The following KDM4C variants were observed in gnomAD, a reference collection of about 807,000 sequenced individuals.
The protein encoded by KDM4C is lysine-specific demethylase 4C.
KDM4C carries 81 observed loss-of-function variants against 129.3 expected under a neutral mutation model. That is an observed-to-expected ratio of 0.63 (90% CI 0.52 to 0.75). The LOEUF (loss-of-function observed/expected upper bound fraction) is 0.75. KDM4C is among the 30% of genes least tolerant of loss of function. KDM4C has a pLI of 0.00. For missense variants in KDM4C, 1,457 were observed against 1,304.0 expected (o/e 1.12, Z -1.81); for synonymous variants, 573 against 456.1 (o/e 1.26, Z -3.26).
intron 1 of KDM4C, among the ~76,000 whole-genome samples, chr9:6,741,323 A>C (rs1377545360): frequency 6.6e-6 from 1 of 152,040 alleles, no homozygotes; most frequent in East Asian, 1.9e-4. Context: ...TGAACTAGGG[A>C]GGCGGAGGTT....
In KDM4C at chr9:7,016,135, T is replaced by TTC. The variant is rs200672721; in HGVS notation, c.2259+207_2259+208insCT. 6.2e-3 allele frequency among the ~76,000 whole-genome samples: 940 copies of TTC among 151,614 alleles called. 9 individuals carry two copies. The highest frequency in any genetic ancestry group is 0.022 in the African/African-American group (907 of 41,398). ...AAATATTAGGTAAATTTATTTTCTT[T>TTC]TTTTTTTTTTGAGACGGAGTCTCTC... On this transcript the variant is annotated intron_variant, in intron 15 of 21. Coordinates refer to ENST00000381309, the MANE Select transcript of KDM4C (RefSeq NM_015061.6).
intron 4 of KDM4C, chr9:6,834,596 G>A: frequency 1.3e-6 from 1 of 742,726 alleles, no homozygotes; most frequent in East Asian, 2.5e-5. Flanking sequence ...GGTGGGCATG[G>A]GTCGGAAGGA....
chr9:6,749,626 C>T (rs1818004095), intron 1 of KDM4C, among the ~76,000 whole-genome samples: 1 of 151,774 alleles, frequency 6.6e-6, no homozygotes, highest in South Asian at 2.1e-4. Context: ...TATGATTGCA[C>T]CACTGCATTT....
intron 1 of KDM4C, among the ~76,000 whole-genome samples, chr9:6,735,468 G>A (rs55880960): frequency 6.6e-6 from 1 of 152,118 alleles, no homozygotes; most frequent in Non-Finnish European, 1.5e-5. Flanking sequence ...ACATATCATG[G>A]GAGGAACCTG....
chr9:6,918,743 G>A (rs1481122589), intron 8 of KDM4C, among the ~76,000 whole-genome samples: 1 of 152,012 alleles, frequency 6.6e-6, no homozygotes. Flanking sequence ...AGCTCATTGT[G>A]GTTTTGATTT....
chr9:6,813,829 C>T (rs1210277149), intron 3 of KDM4C, among the ~76,000 whole-genome samples: 1 of 152,118 alleles, frequency 6.6e-6, no homozygotes, highest in Non-Finnish European at 1.5e-5. Flanking sequence ...ATATAGTATA[C>T]ACACTATTAT....
At chr9:6,726,301 G>T (rs914168878) in intron 1 of KDM4C, among the ~76,000 whole-genome samples, 1 of 152,188 alleles carries the variant, frequency 6.6e-6, no homozygotes, top group Non-Finnish European at 1.5e-5. Flanking sequence ...CTATTTGTCT[G>T]AAGTGTAAAT....
rs776243793 is a variant in KDM4C at position 7,011,720 on chromosome 9, T to C, written c.1809T>C (p.Ile603=). The C allele has an allele frequency of 1.9e-6, 3 of 1,614,104 alleles. No individual in the cohort carries two copies. Among genetic ancestry groups the C allele is most frequent in the Non-Finnish European group, 1.7e-6 (2 of 1,179,988 alleles). ...SDEELPEVLS[I]EEEVEETESW... ...AAGAATTGCCTGAGGTTCTGTCCAT[T>C]GAGGAGGAAGTGGAAGAAACAGAGT... The change falls in exon 13 of 22, where the codon ATT becomes ATC. Residue 603 remains isoleucine (I), a synonymous_variant. Transcript: ENST00000381309.
At chr9:6,936,326 T>A (rs553994657) in intron 8 of KDM4C, among the ~76,000 whole-genome samples, 1 of 152,338 alleles carries the variant, frequency 6.6e-6, no homozygotes, top group South Asian at 2.1e-4. Flanking sequence ...TTATATATGC[T>A]AAAATCATGG....
chr9:7,158,831 G>T (rs1206506955), intron 19 of KDM4C, among the ~76,000 whole-genome samples: 1 of 152,198 alleles, frequency 6.6e-6, no homozygotes, highest in Non-Finnish European at 1.5e-5. Flanking sequence ...ATTTGGGGTG[G>T]AGAGTCCTGT....
At chr9:6,810,148 C>G (rs550405908) in intron 3 of KDM4C, among the ~76,000 whole-genome samples, 1 of 152,174 alleles carries the variant, frequency 6.6e-6, no homozygotes, top group African/African-American at 2.4e-5. Context: ...TCCTCTCTAG[C>G]CCATTTGATT....
intron 4 of KDM4C, among the ~76,000 whole-genome samples, chr9:6,839,510 GATTA>G (rs1836517314): frequency 2.0e-5 from 3 of 151,540 alleles, no homozygotes; most frequent in Non-Finnish European, 4.4e-5. Flanking sequence ...AAAATGCTGG[GATTA>G]CAGGTGTGAG....
intron 14 of KDM4C, among the ~76,000 whole-genome samples, chr9:7,014,915 A>AACACACACACACACACAC (rs55864882): frequency 8.9e-5 from 13 of 146,278 alleles, no homozygotes; most frequent in Admixed American, 3.4e-4. Flanking sequence ...GGCAATTTGT[A>AACACACACACACACACAC]ACACACACAC....
intron 17 of KDM4C, among the ~76,000 whole-genome samples, chr9:7,083,721 G>GTGTGTGTT (rs1834806839): frequency 6.7e-6 from 1 of 149,010 alleles, no homozygotes; most frequent in Non-Finnish European, 1.5e-5. Flanking sequence ...ATGTGTGTGT[G>GTGTGTGTT]TGTGTGTGTG....
chr9:6,725,528 C>A (rs1252355796), intron 1 of KDM4C, among the ~76,000 whole-genome samples: 1 of 151,992 alleles, frequency 6.6e-6, no homozygotes, highest in Non-Finnish European at 1.5e-5. Flanking sequence ...GCTCTTGTTG[C>A]CCAGGCTGGA....
At position 7,175,059 on chromosome 9, in the gene KDM4C, G is replaced by A. The variant is rs546260828; in HGVS notation, c.*330G>A. The A allele has an allele frequency of 1.3e-4, 25 of 197,206 alleles. No individual in the cohort carries two copies. The highest frequency in any genetic ancestry group is 5.0e-4 in the African/African-American group (22 of 43,916). The allele number at this position is 197,206 out of a possible 1,614,324, so 12.2% of individuals were successfully genotyped here. A position where few individuals can be genotyped will look rare whatever the true frequency, so the allele number is the denominator to read the frequency against. On this transcript the variant is annotated 3_prime_UTR_variant, in exon 22 of 22. Transcript: ENST00000381309. ...CCACAGAGGAGGCGGGTCCCCTTGT[G>A]CGGCTTAGGGCCCTGTCAGGAAACA...
At chr9:7,099,380 G>C (rs1836819296) in intron 17 of KDM4C, among the ~76,000 whole-genome samples, 1 of 152,188 alleles carries the variant, frequency 6.6e-6, no homozygotes, top group African/African-American at 2.4e-5. Context: ...CTCATTGCCA[G>C]ATACTTCATT....
At chr9:6,803,034 A>T (rs116309817) in intron 2 of KDM4C, among the ~76,000 whole-genome samples, 4,990 of 152,338 alleles carry the variant, frequency 0.033, 256 homozygotes, top group African/African-American at 0.11. Context: ...ATATAGAAGC[A>T]TAAAACTAAA....
At chr9:7,118,571 C>A (rs7856110) in intron 18 of KDM4C, among the ~76,000 whole-genome samples, 55,393 of 151,954 alleles carry the variant, frequency 0.36, 10,574 homozygotes, top group Middle Eastern at 0.51. Flanking sequence ...TGAAAAAATA[C>A]AATAATAATA....
Sources: gnomAD v4.1 joint callset for allele counts (sites outside exome capture counted in the v4.1 genomes callset) on GRCh38, gnomAD v4.1.1 for gene constraint, MANE v1.5 for transcripts, NCBI Gene and HGNC (gene_info 2026-07-23, HGNC 2026-07-21) for gene names.